The following ADGRG6 variants were observed in gnomAD, a reference collection of about 807,000 sequenced individuals.
ADGRG6 encodes the protein G-protein coupled receptor 126.
Under a neutral mutation model 142.4 loss-of-function variants are expected in ADGRG6, and 84 were observed. That is an observed-to-expected ratio of 0.59 (90% CI 0.49 to 0.71). The LOEUF (loss-of-function observed/expected upper bound fraction) is 0.71. Ranked by LOEUF, ADGRG6 falls within the 30% of genes least tolerant of loss-of-function variation. The pLI is 0.00. For missense variants in ADGRG6, 1,367 were observed against 1,466.6 expected, an observed-to-expected ratio of 0.93 and a Z score of 1.11; for synonymous variants, 521 against 520.5, an observed-to-expected ratio of 1.00 and a Z score of -0.01.
chr6:142,366,980 G>C (rs1159140374), intron 2 of ADGRG6, among the ~76,000 whole-genome samples: 2 of 152,030 alleles, frequency 1.3e-5, no homozygotes, highest in African/African-American at 4.8e-5. Context: ...ATGTTTGCAA[G>C]GTGATGCTAT....
At chr6:142,338,962 C>G (rs991734209) in intron 2 of ADGRG6, among the ~76,000 whole-genome samples, 1 of 152,120 alleles carries the variant, frequency 6.6e-6, no homozygotes, top group African/African-American at 2.4e-5. Context: ...CAAACACACT[C>G]CACATTTTAT....
intron 24 of ADGRG6, among the ~76,000 whole-genome samples, chr6:142,441,997 A>G (rs1777775803): frequency 6.6e-6 from 1 of 152,220 alleles, no homozygotes; most frequent in Middle Eastern, 3.4e-3. Context: ...TTTAGCCCTC[A>G]TTGTATTTAG....
At position 142,419,888 on chromosome 6, in the gene ADGRG6, C is replaced by G. The variant is rs1481488063; in HGVS notation, c.3103C>G (p.Leu1035Val). ...CAGYFGVMFF[L>V]NIAMFIVVMV... Reference sequence around the variant, plus strand: ...TGGGTATTTTGGAGTCATGTTTTTTCTGAACATTGCCATGTTCATTGTGGT... The same window carrying G: ...TGGGTATTTTGGAGTCATGTTTTTTGTGAACATTGCCATGTTCATTGTGGT... Residue 1035 changes from leucine to valine, a missense_variant, in exon 22 of 25, where the codon CTG becomes GTG. By Grantham distance (32) the Leu-to-Val change is conservative (BLOSUM62 1). Coordinates refer to ENST00000367609, the MANE Select transcript of ADGRG6 (RefSeq NM_198569.3). 1 of 1,611,860 alleles carries G rather than the reference C, an allele frequency of 6.2e-7. No homozygotes were observed. The highest frequency in any genetic ancestry group is 1.7e-5 in the Admixed American group (1 of 59,908).
chr6:142,423,611 C>G (rs1400817815), intron 22 of ADGRG6, among the ~76,000 whole-genome samples: 1 of 143,340 alleles, frequency 7.0e-6, no homozygotes, highest in Non-Finnish European at 1.5e-5. Context: ...TGTGATGCCT[C>G]CAGCTTTGTT....
intron 10 of ADGRG6, among the ~76,000 whole-genome samples, chr6:142,398,283 G>T (rs1351517784): frequency 1.3e-5 from 2 of 152,180 alleles, no homozygotes; most frequent in Non-Finnish European, 2.9e-5. Flanking sequence ...AATTAGTTGG[G>T]TGTTGTGCTG....
intron 4 of ADGRG6, among the ~76,000 whole-genome samples, chr6:142,377,316 G>A (rs1781547960): frequency 6.6e-6 from 1 of 152,186 alleles, no homozygotes; most frequent in African/African-American, 2.4e-5. Context: ...CCACCTCACT[G>A]ATTGATTCCC....
chr6:142,366,498 G>C (rs9321867), intron 2 of ADGRG6, among the ~76,000 whole-genome samples: 2,689 of 152,214 alleles, frequency 0.018, 90 homozygotes, highest in African/African-American at 0.061. Flanking sequence ...CGCTAACATT[G>C]ATTTCAGTCT....
intron 18 of ADGRG6, among the ~76,000 whole-genome samples, chr6:142,412,815 C>A (rs921530642): frequency 6.6e-5 from 10 of 152,034 alleles, no homozygotes; most frequent in African/African-American, 2.4e-4. Context: ...TAGCTTAATT[C>A]ATTTAAATAT....
At chr6:142,399,151 C>G (rs1309405263) in intron 10 of ADGRG6, among the ~76,000 whole-genome samples, 2 of 151,988 alleles carry the variant, frequency 1.3e-5, no homozygotes, top group Non-Finnish European at 2.9e-5. Flanking sequence ...AAACTTTGAC[C>G]CTTCGCCTTC....
At chr6:142,422,395 A>G (rs968566419) in intron 22 of ADGRG6, among the ~76,000 whole-genome samples, 8 of 151,928 alleles carry the variant, frequency 5.3e-5, no homozygotes, top group Non-Finnish European at 8.8e-5. Flanking sequence ...ATTCCCACCT[A>G]TGAGTGACAA....
At chr6:142,358,373 G>A (rs994939911) in intron 2 of ADGRG6, among the ~76,000 whole-genome samples, 1 of 152,180 alleles carries the variant, frequency 6.6e-6, no homozygotes, top group Admixed American at 6.5e-5. Context: ...TCACTTTGCT[G>A]CTTTTCTGTC....
intron 7 of ADGRG6, among the ~76,000 whole-genome samples, chr6:142,392,346 A>T (rs1774936427): frequency 6.6e-6 from 1 of 151,968 alleles, no homozygotes; most frequent in Admixed American, 6.6e-5. Flanking sequence ...AAAAACTCTT[A>T]TGCTGAGACC....
intron 8 of ADGRG6, among the ~76,000 whole-genome samples, chr6:142,393,302 A>G (rs2114981708): frequency 6.6e-6 from 1 of 152,264 alleles, no homozygotes; most frequent in African/African-American, 2.4e-5. Context: ...GTTTCTTCTC[A>G]CACCCTGGTG....
chr6:142,310,022 T>C (rs948303035), intron 2 of ADGRG6, among the ~76,000 whole-genome samples: 2 of 152,002 alleles, frequency 1.3e-5, no homozygotes, highest in Non-Finnish European at 2.9e-5. Context: ...TGTAGTTATT[T>C]ATGGAAAGTA....
At chr6:142,405,618 T>G (rs572506945) in intron 14 of ADGRG6, 70 bp from the exon 15 acceptor site, 1 of 1,249,166 alleles carries the variant, frequency 8.0e-7, no homozygotes, top group East Asian at 2.4e-5. Context: ...CGCCTAACTA[T>G]ACATGTGGAA....
rs1203834324 is a variant in ADGRG6 at position 142,444,499 on chromosome 6, C to T, written c.*984C>T. On this transcript the variant is annotated 3_prime_UTR_variant, in exon 25 of 25. Coordinates refer to ENST00000367609, the MANE Select transcript of ADGRG6 (RefSeq NM_198569.3). ...CACAAATAAAAGCCTCGTATTTCCC[C>T]ATTGAGAGTTTTGTTCCAAGGAATA... 6.6e-6 allele frequency: 1 copy of T among 152,162 alleles called. No homozygotes were observed. The highest frequency in any genetic ancestry group is 1.5e-5 in the Non-Finnish European group (1 of 68,032). The allele number at this position is 152,162 out of a possible 1,614,324, so 9.4% of individuals were successfully genotyped here.
At chr6:142,386,634 A>G (rs1782040431) in intron 6 of ADGRG6, among the ~76,000 whole-genome samples, 1 of 152,186 alleles carries the variant, frequency 6.6e-6, no homozygotes, top group Non-Finnish European at 1.5e-5. Flanking sequence ...GTGCTTTCAT[A>G]CTGTATCACT....
intron 2 of ADGRG6, among the ~76,000 whole-genome samples, chr6:142,360,300 C>T (rs1380714511): frequency 6.6e-6 from 1 of 152,114 alleles, no homozygotes; most frequent in Non-Finnish European, 1.5e-5. Flanking sequence ...ATATGGTGCT[C>T]AGTAGCACAT....
At chr6:142,407,751 C>G (rs932001570) in intron 15 of ADGRG6, among the ~76,000 whole-genome samples, 5 of 152,144 alleles carry the variant, frequency 3.3e-5, no homozygotes, top group African/African-American at 1.2e-4. Flanking sequence ...ATTTTTCACA[C>G]CATATTTTCT....
Sources: gnomAD v4.1 joint callset for allele counts (sites outside exome capture counted in the v4.1 genomes callset) on GRCh38, gnomAD v4.1.1 for gene constraint, MANE v1.5 for transcripts, NCBI Gene and HGNC (gene_info 2026-07-23, HGNC 2026-07-21) for gene names.